KCNH5: variants seen among roughly 807,000 people sequenced by gnomAD.
KCNH5 encodes potassium voltage-gated channel subfamily H member 5, also known as voltage-gated delayed rectifier potassium channel KCNH5.
Under a neutral mutation model 96.1 loss-of-function variants are expected in KCNH5, and 46 were observed. That is an observed-to-expected ratio of 0.48 (90% confidence interval 0.38 to 0.61). The LOEUF is 0.61. Ranked by LOEUF, KCNH5 falls within the 20% of genes least tolerant of loss-of-function variation. KCNH5 has a pLI of 0.00. For missense variants in KCNH5, 907 were observed against 1,225.8 expected (o/e 0.74, Z 3.88); for synonymous variants, 439 against 449.8 (o/e 0.98, Z 0.30).
At chr14:62,820,760 T>G (rs1469194540) in intron 8 of KCNH5, among the ~76,000 whole-genome samples, 3 of 152,188 alleles carry the variant, frequency 2.0e-5, no homozygotes, top group Non-Finnish European at 4.4e-5. Context: ...TTTACATTGA[T>G]TCCATGTCTT....
intron 7 of KCNH5, among the ~76,000 whole-genome samples, chr14:62,880,261 T>G (rs1595668141): frequency 6.6e-6 from 1 of 152,212 alleles, no homozygotes; most frequent in South Asian, 2.1e-4. Flanking sequence ...AGTGGTGCAG[T>G]TATATATTAG....
At chr14:62,734,608 C>A (rs78762328) in intron 10 of KCNH5, among the ~76,000 whole-genome samples, 13,981 of 152,104 alleles carry the variant, frequency 0.092, 771 homozygotes, top group East Asian at 0.12. Flanking sequence ...TAGCATTATG[C>A]CTTCTCCACT....
chr14:62,799,691 TTATATATATATATATA>T (rs71410693), intron 9 of KCNH5, among the ~76,000 whole-genome samples: 1 of 57,996 alleles, frequency 1.7e-5, no homozygotes, highest in Non-Finnish European at 3.4e-5. Context: ...GTATATACCT[TTATATATATATATATA>T]TATATATATA....
chr14:62,757,282 C>T (rs1278672919), intron 10 of KCNH5, among the ~76,000 whole-genome samples: 1 of 152,174 alleles, frequency 6.6e-6, no homozygotes, highest in Non-Finnish European at 1.5e-5. Context: ...ATCCAAAACA[C>T]AGGCAATAAC....
chr14:62,849,263 T>C (rs1437214949), intron 8 of KCNH5, among the ~76,000 whole-genome samples: 1 of 152,172 alleles, frequency 6.6e-6, no homozygotes. Context: ...AGGAAGTCTC[T>C]TTCTAATTTT....
intron 1 of KCNH5, among the ~76,000 whole-genome samples, chr14:63,038,130 A>T (rs1428140462): frequency 6.6e-6 from 1 of 152,200 alleles, no homozygotes; most frequent in Non-Finnish European, 1.5e-5. Flanking sequence ...TTGATTAACT[A>T]AATAGTTTAA....
intron 7 of KCNH5, among the ~76,000 whole-genome samples, chr14:62,853,066 C>A (rs765148645): frequency 3.0e-4 from 45 of 152,304 alleles, no homozygotes; most frequent in Admixed American, 2.0e-3. Flanking sequence ...CCTCTGCAAA[C>A]AGCAAAGCCA....
At position 62,794,076 on chromosome 14, in the gene KCNH5, A is replaced by G. The variant is rs570258205; in HGVS notation, c.1822+8253T>C. On this transcript the variant is annotated intron_variant, in intron 9 of 10. Coordinates refer to ENST00000322893, the MANE Select transcript of KCNH5 (RefSeq NM_139318.5). ...TCACACTCTGGGCTCAGTTCTCCTC[A>G]GTCCTAAACACCTTCCTCATGGTAA... Among the ~76,000 whole-genome samples the G allele has an allele frequency of 2.6e-4, 40 of 151,978 alleles. 2 individuals carry two copies. Among genetic ancestry groups the G allele is most frequent in the South Asian group, 2.1e-4 (1 of 4,818 alleles).
In KCNH5 at chr14:62,981,661, C is replaced by T. The variant is rs543075950; in HGVS notation, c.550-397G>A. On this transcript the variant is annotated intron_variant, in intron 5 of 10. Coordinates refer to ENST00000322893, the MANE Select transcript of KCNH5 (RefSeq NM_139318.5). ...ACATTTAGCACCTCAGGAAGCATAA[C>T]TTTGATTCTGATGGCCTCGCTGGAC... 5.9e-5 allele frequency among the ~76,000 whole-genome samples: 9 copies of T among 152,286 alleles called. No individual in the cohort carries two copies. The South Asian group carries it at 1.7e-3, about 28-fold the overall frequency.
rs558797126 is a variant in KCNH5 at position 62,733,551 on chromosome 14, C to T, written c.2020-25096G>A. ...TTTAGTACAGCAGCCCAAACGAAGA[C>T]ATATAGGTACTACTTTTACTCATGC... On this transcript the variant is annotated intron_variant, in intron 10 of 10. Coordinates refer to ENST00000322893, the MANE Select transcript of KCNH5 (RefSeq NM_139318.5). Among the ~76,000 whole-genome samples, 25 of 151,378 alleles carry T rather than the reference C, an allele frequency of 1.7e-4. 1 individual carries two copies. The South Asian group carries it at 5.3e-3, about 32-fold the overall frequency.
intron 8 of KCNH5, among the ~76,000 whole-genome samples, chr14:62,804,564 G>A (rs893360694): frequency 6.6e-6 from 1 of 152,106 alleles, no homozygotes; most frequent in African/African-American, 2.4e-5. Flanking sequence ...GGTATGATGG[G>A]AGCATGGCCA....
chr14:62,870,251 A>G (rs2140065452), intron 7 of KCNH5, among the ~76,000 whole-genome samples: 1 of 152,326 alleles, frequency 6.6e-6, no homozygotes, highest in African/African-American at 2.4e-5. Context: ...ACTTCTGTAA[A>G]TATTCTCATG....
intron 10 of KCNH5, among the ~76,000 whole-genome samples, chr14:62,764,811 C>A (rs941863953): frequency 1.3e-5 from 2 of 152,036 alleles, no homozygotes; most frequent in African/African-American, 4.8e-5. Flanking sequence ...ACACAGCTAA[C>A]CAGGGAGGTG....
chr14:62,992,323 T>A (rs1452047912), intron 4 of KCNH5, among the ~76,000 whole-genome samples: 9 of 152,072 alleles, frequency 5.9e-5, no homozygotes, highest in Admixed American at 5.9e-4. Flanking sequence ...AAAGATTTAT[T>A]TTCTTTTGGT....
intron 7 of KCNH5, among the ~76,000 whole-genome samples, chr14:62,894,862 C>G (rs1432098458): frequency 6.6e-6 from 1 of 152,196 alleles, no homozygotes; most frequent in Non-Finnish European, 1.5e-5. Flanking sequence ...CAAAAGACAA[C>G]TCTTCTTAAT....
chr14:62,923,244 C>T (rs552995037), intron 7 of KCNH5, among the ~76,000 whole-genome samples: 203 of 151,848 alleles, frequency 1.3e-3, no homozygotes, highest in African/African-American at 4.5e-3. Context: ...GAATAAAATA[C>T]TTAGTAATAA....
intron 1 of KCNH5, among the ~76,000 whole-genome samples, chr14:63,043,706 A>G (rs1891868939): frequency 6.6e-6 from 1 of 152,246 alleles, no homozygotes; most frequent in South Asian, 2.1e-4. Context: ...AAAACAAATA[A>G]CAAGTCAGAT....
At chr14:62,974,779 A>G (rs1443898942) in intron 6 of KCNH5, among the ~76,000 whole-genome samples, 1 of 152,140 alleles carries the variant, frequency 6.6e-6, no homozygotes, top group African/African-American at 2.4e-5. Context: ...TTTTATTTTT[A>G]TGTCATTGTG....
At chr14:62,961,839 T>C (rs1254471845) in intron 6 of KCNH5, among the ~76,000 whole-genome samples, 3 of 148,206 alleles carry the variant, frequency 2.0e-5, no homozygotes, top group Admixed American at 6.7e-5. Flanking sequence ...GAGATGGAGA[T>C]GGAGATGCAG....
Sources: allele counts gnomAD v4.1 joint callset (sites outside exome capture counted in the v4.1 genomes callset), GRCh38; gene constraint gnomAD v4.1.1; transcripts MANE v1.5; gene names NCBI Gene and HGNC (gene_info 2026-07-23, HGNC 2026-07-21).